Variants in ASCC3 observed in about 807,000 individuals in gnomAD.
ASCC3 encodes the protein ASC-1 complex subunit P200.
In ASCC3, 158 loss-of-function variants were observed where a neutral mutation model predicts 256.3. The observed-to-expected ratio is 0.62, with a 90% CI of 0.54 to 0.70. The LOEUF (loss-of-function observed/expected upper bound fraction) is 0.70. Ranked by LOEUF, ASCC3 falls within the 30% of genes least tolerant of loss-of-function variation. The probability of loss-of-function intolerance (pLI) is 0.00; values close to 1 mark genes in which losing one functional copy is unlikely to be tolerated. For synonymous variants in ASCC3, 948 were observed against 883.4 expected (o/e 1.07, Z -1.30); for missense variants, 2,259 against 2,626.0 (o/e 0.86, Z 3.05).
chr6:100,692,075 T>C (rs1405299405), intron 13 of ASCC3, among the ~76,000 whole-genome samples: 1 of 152,100 alleles, frequency 6.6e-6, no homozygotes, highest in Non-Finnish European at 1.5e-5. Context: ...CCAGATTTAT[T>C]TGTTAAACTT....
chr6:100,850,336 T>C (rs1772605628), intron 3 of ASCC3, among the ~76,000 whole-genome samples: 1 of 152,170 alleles, frequency 6.6e-6, no homozygotes, highest in Admixed American at 6.5e-5. Context: ...CTGATTCTTC[T>C]TCAAGGCCTC....
intron 30 of ASCC3, among the ~76,000 whole-genome samples, chr6:100,621,255 A>G (rs991975964): frequency 6.6e-6 from 1 of 152,170 alleles, no homozygotes; most frequent in Non-Finnish European, 1.5e-5. Context: ...TGGAAATGAC[A>G]TAATATTTCT....
intron 37 of ASCC3, among the ~76,000 whole-genome samples, chr6:100,532,845 T>C (rs1313231116): frequency 6.6e-6 from 1 of 152,152 alleles, no homozygotes; most frequent in Non-Finnish European, 1.5e-5. Context: ...AAAATTTATA[T>C]TCAGGCTACT....
At chr6:100,775,321 T>C (rs999068798) in intron 8 of ASCC3, among the ~76,000 whole-genome samples, 1 of 152,018 alleles carries the variant, frequency 6.6e-6, no homozygotes, top group Admixed American at 6.6e-5. Context: ...AAATTCAATA[T>C]AAAGAAAAGA....
Position 100,642,717 on chromosome 6 carries a change from A to C in ASCC3, c.3765T>G (p.Phe1255Leu). ...GCAAAGGCTCAAAAATAGGGATTGT[A>C]AATACCAGTAGTTGGGCTTCTTTAC... Reference protein sequence around the residue: ...VISKEAQLLVFTIPIFEPLPS... With the variant: ...VISKEAQLLVLTIPIFEPLPS... Residue 1255 changes from phenylalanine to leucine, a missense_variant, in exon 24 of 42, where the codon TTT (phenylalanine) becomes TTG (leucine). By Grantham distance (22) the Phe-to-Leu change is conservative. Coordinates refer to ENST00000369162, the MANE Select transcript of ASCC3 (RefSeq NM_006828.4). 1.2e-6 allele frequency: 2 copies of C among 1,613,766 alleles called. No homozygotes were observed. The highest frequency in any genetic ancestry group is 2.7e-5 in the African/African-American group (2 of 75,042).
At chr6:100,798,968 A>T in intron 7 of ASCC3, 130 bp from the exon 8 acceptor site, 1 of 889,178 alleles carries the variant, frequency 1.1e-6, no homozygotes, top group Non-Finnish European at 1.7e-6. Context: ...AACTTAGCTA[A>T]TTTAAAAGAA....
chr6:100,676,783 CAA>C (rs759810916), intron 14 of ASCC3, among the ~76,000 whole-genome samples: 22 of 145,318 alleles, frequency 1.5e-4, no homozygotes, highest in Non-Finnish European at 3.0e-4. Flanking sequence ...CACACACACA[CAA>C]AAGGAGGATT....
intron 34 of ASCC3, among the ~76,000 whole-genome samples, chr6:100,591,948 T>G (rs1466235400): frequency 6.6e-6 from 1 of 151,930 alleles, no homozygotes; most frequent in Non-Finnish European, 1.5e-5. Context: ...TTTTAAATAT[T>G]TATCTTATTT....
At chr6:100,848,835 G>A (rs1221255811) in intron 3 of ASCC3, 128 bp from the exon 4 acceptor site, 7 of 892,036 alleles carry the variant, frequency 7.8e-6, no homozygotes, top group Middle Eastern at 2.4e-4. Flanking sequence ...TAGACCAGGT[G>A]TAATGGCTCC....
intron 14 of ASCC3, among the ~76,000 whole-genome samples, chr6:100,668,496 A>G (rs1776590125): frequency 6.6e-6 from 1 of 152,028 alleles, no homozygotes; most frequent in Admixed American, 6.6e-5. Context: ...CTGGGCTTTC[A>G]AATTTTTAAA....
At position 100,638,654 on chromosome 6, in the gene ASCC3, C is replaced by T; in HGVS notation, c.4069G>A (p.Val1357Ile). 6.2e-7 allele frequency: 1 copy of T among 1,613,950 alleles called. No individual in the cohort carries two copies. Among genetic ancestry groups the T allele is most frequent in the Non-Finnish European group, 8.5e-7 (1 of 1,179,852 alleles). ...CTGAAAATGGCTAATTCAGCTGCAACAGTCTTTCCCGATCCAGTAGGTGCT... is the reference window on the plus strand; with the variant it reads ...CTGAAAATGGCTAATTCAGCTGCAATAGTCTTTCCCGATCCAGTAGGTGCT... ...LGAPTGSGKT[V>I]AAELAIFRVF... is the part of the protein sequence containing the mutation. Residue 1357 changes from valine (V) to isoleucine (I), a missense_variant, in exon 25 of 42, where the codon GTT becomes ATT. Around this residue, in one of 2 missense-constraint regions of ASCC3, gnomAD observed 1,839 missense variants for 2,206.7 expected, o/e 0.83. Coordinates refer to ENST00000369162, the MANE Select transcript of ASCC3 (RefSeq NM_006828.4).
chr6:100,509,498 T>C lies in ASCC3; in HGVS notation c.6497A>G (p.Tyr2166Cys), dbSNP rs1369540999. 1 of 1,613,688 alleles carries C rather than the reference T, an allele frequency of 6.2e-7. No homozygotes were observed. Among genetic ancestry groups the C allele is most frequent in the African/African-American group, 1.3e-5 (1 of 74,930 alleles). Reference protein sequence around the residue: ...IYTLYFMSDCYLGLDQQYDIY... With the variant: ...IYTLYFMSDCCLGLDQQYDIY... ...GTCATACTGCTGGTCCAGGCCAAGG[T>C]AGCAGTCACTCATGAAATATAATGT... Residue 2166 changes from tyrosine to cysteine, a missense_variant, in exon 42 of 42, where the codon TAC becomes TGC. Tyr to Cys is a radical substitution (Grantham distance 194, BLOSUM62 -2). Coordinates refer to ENST00000369162, the MANE Select transcript of ASCC3 (RefSeq NM_006828.4).
At chr6:100,752,868 A>G (rs1562272259) in intron 10 of ASCC3, among the ~76,000 whole-genome samples, 1 of 152,210 alleles carries the variant, frequency 6.6e-6, no homozygotes, top group African/African-American at 2.4e-5. Flanking sequence ...GAAAAATATG[A>G]GAGTAAGTAT....
At chr6:100,615,742 T>C (rs569811541) in intron 30 of ASCC3, among the ~76,000 whole-genome samples, 39 of 152,304 alleles carry the variant, frequency 2.6e-4, no homozygotes, top group African/African-American at 6.7e-4. Flanking sequence ...GCCTCCTATA[T>C]TGTAACTCAA....
intron 10 of ASCC3, among the ~76,000 whole-genome samples, chr6:100,732,091 G>A (rs1392988217): frequency 6.6e-6 from 1 of 151,458 alleles, no homozygotes; most frequent in African/African-American, 2.4e-5. Flanking sequence ...AACCCGGGAG[G>A]CGGGGGTTGC....
intron 30 of ASCC3, 83 bp from the exon 31 acceptor site, chr6:100,607,171 T>C: frequency 1.4e-6 from 2 of 1,436,404 alleles, no homozygotes. Context: ...AAAACATTAA[T>C]TTTGTCTTTA....
In ASCC3 at chr6:100,715,517, T is replaced by C. The variant is rs898589574; in HGVS notation, c.2096A>G (p.Asn699Ser). 1.2e-6 allele frequency: 2 copies of C among 1,610,648 alleles called. No homozygotes were observed. The highest frequency in any genetic ancestry group is 1.3e-5 in the African/African-American group (1 of 74,806). The change falls in exon 13 of 42, where the codon AAC (asparagine) becomes AGC (serine). Residue 699 changes from asparagine to serine, a missense_variant. Asn to Ser is a conservative substitution (Grantham distance 46). Transcript: ENST00000369162. ...KCANKMQQLN[N>S]MDEVCYENVL... ...ATTTTCATAACATACTTCATCCATGTTATTCAACTGCTGCATCTTGAAGAT... is the reference window on the plus strand; with the variant it reads ...ATTTTCATAACATACTTCATCCATGCTATTCAACTGCTGCATCTTGAAGAT...
intron 25 of ASCC3, among the ~76,000 whole-genome samples, chr6:100,637,422 T>C (rs768271878): frequency 1.2e-4 from 18 of 152,138 alleles, no homozygotes; most frequent in Non-Finnish European, 1.9e-4. Context: ...CTCCAAAGCT[T>C]TGATGGACAT....
chr6:100,790,906 CG>C (rs1246058558), intron 8 of ASCC3, among the ~76,000 whole-genome samples: 1 of 151,748 alleles, frequency 6.6e-6, no homozygotes, highest in Non-Finnish European at 1.5e-5. Context: ...GTAGACTATA[CG>C]GTACTGCAAT....
Sources: gnomAD v4.1 joint callset for allele counts (sites outside exome capture counted in the v4.1 genomes callset) on GRCh38, gnomAD v4.1.1 for gene constraint, gnomAD v4.1.1 regional missense constraint, MANE v1.5 for transcripts, NCBI Gene and HGNC (gene_info 2026-07-23, HGNC 2026-07-21) for gene names.